The following NRG1 variants were observed in gnomAD, a reference collection of about 807,000 sequenced individuals.
NRG1 encodes neuregulin 1.
Under a neutral mutation model 63.8 loss-of-function variants are expected in NRG1, and 18 were observed. The ratio of observed to expected loss-of-function variants is 0.28; its 90% CI spans 0.19 to 0.42. NRG1 has a LOEUF of 0.42. Among genes scored for constraint, NRG1 ranks in the 10% least tolerant of loss-of-function variants. NRG1 has a pLI of 1.00. For missense variants in NRG1, 762 were observed against 814.7 expected, an observed-to-expected ratio of 0.94 and a Z score of 0.79; for synonymous variants, 302 against 301.3, an observed-to-expected ratio of 1.00 and a Z score of -0.02.
intron 1 of NRG1, among the ~76,000 whole-genome samples, chr8:32,515,115 A>G (rs1196561941): frequency 1.3e-5 from 2 of 151,928 alleles, no homozygotes. Flanking sequence ...AGAATGATTT[A>G]TTTTCCTTTG....
intron 1 of NRG1, among the ~76,000 whole-genome samples, chr8:32,050,737 A>G (rs923671299): frequency 6.6e-6 from 1 of 152,176 alleles, no homozygotes; most frequent in Non-Finnish European, 1.5e-5. Context: ...CACCTTTGAC[A>G]TGGCATTGTT....
intron 1 of NRG1, among the ~76,000 whole-genome samples, chr8:31,853,261 T>A (rs1827455955): frequency 6.6e-6 from 1 of 152,080 alleles, no homozygotes; most frequent in Non-Finnish European, 1.5e-5. Context: ...TGTTCTTCCA[T>A]TTGTTTGTAT....
At chr8:31,915,207 A>C (rs1382108938) in intron 1 of NRG1, among the ~76,000 whole-genome samples, 2 of 151,982 alleles carry the variant, frequency 1.3e-5, no homozygotes, top group African/African-American at 4.8e-5. Context: ...GGTTAATTTT[A>C]ATTAAAAACA....
At chr8:31,707,670 C>G (rs957847586) in intron 1 of NRG1, among the ~76,000 whole-genome samples, 3 of 152,036 alleles carry the variant, frequency 2.0e-5, no homozygotes, top group African/African-American at 7.2e-5. Context: ...TGCTTTAAAT[C>G]ATCATATAAA....
intron 1 of NRG1, among the ~76,000 whole-genome samples, chr8:31,808,824 A>G (rs1822554808): frequency 6.6e-6 from 1 of 152,174 alleles, no homozygotes; most frequent in African/African-American, 2.4e-5. Context: ...ACTTTGCAGC[A>G]GAGATTTTTT....
chr8:31,883,794 C>A (rs1333037522), intron 1 of NRG1, among the ~76,000 whole-genome samples: 2 of 152,016 alleles, frequency 1.3e-5, no homozygotes, highest in Non-Finnish European at 2.9e-5. Context: ...GTAAAAGAAT[C>A]CCAGCCACCA....
At chr8:32,224,601 A>T (rs1425933279) in intron 1 of NRG1, among the ~76,000 whole-genome samples, 1 of 152,206 alleles carries the variant, frequency 6.6e-6, no homozygotes, top group Non-Finnish European at 1.5e-5. Flanking sequence ...AAAGTAATCA[A>T]AGTCCACAAG....
chr8:31,826,673 C>G (rs183573083), intron 1 of NRG1, among the ~76,000 whole-genome samples: 1 of 152,262 alleles, frequency 6.6e-6, no homozygotes, highest in East Asian at 1.9e-4. Context: ...CAGTCACTGT[C>G]CCAGGACAGG....
chr8:31,972,204 A>C (rs1263069904), intron 1 of NRG1, among the ~76,000 whole-genome samples: 1 of 151,998 alleles, frequency 6.6e-6, no homozygotes, highest in East Asian at 1.9e-4. Context: ...CCCTCCTTCT[A>C]ACTCACAAGG....
intron 1 of NRG1, among the ~76,000 whole-genome samples, chr8:32,131,685 C>T (rs912205141): frequency 1.4e-4 from 21 of 151,918 alleles, no homozygotes; most frequent in African/African-American, 4.8e-4. Context: ...TATATTAATG[C>T]CTTTGTGGTT....
intron 1 of NRG1, among the ~76,000 whole-genome samples, chr8:32,342,748 A>G (rs562910664): frequency 6.6e-6 from 1 of 152,350 alleles, no homozygotes; most frequent in African/African-American, 2.4e-5. Flanking sequence ...ACTACATGAA[A>G]GTAGATTTGT....
chr8:31,651,058 C>T (rs779330018), intron 1 of NRG1, among the ~76,000 whole-genome samples: 2 of 152,168 alleles, frequency 1.3e-5, no homozygotes, highest in Non-Finnish European at 2.9e-5. Flanking sequence ...CTCTTCCTCT[C>T]CTCTTATTTA....
At chr8:32,340,570 A>G (rs1349073362) in intron 1 of NRG1, among the ~76,000 whole-genome samples, 1 of 152,256 alleles carries the variant, frequency 6.6e-6, no homozygotes, top group Non-Finnish European at 1.5e-5. Context: ...TACATACCAT[A>G]TAAGTTGGCT....
intron 1 of NRG1, among the ~76,000 whole-genome samples, chr8:32,484,148 A>G (rs572536946): frequency 1.3e-5 from 2 of 152,178 alleles, no homozygotes; most frequent in African/African-American, 4.8e-5. Flanking sequence ...AGTTTCAGGG[A>G]AAGTCATTTG....
intron 1 of NRG1, among the ~76,000 whole-genome samples, chr8:32,173,148 G>GA (rs1165641251): frequency 2.6e-5 from 4 of 152,186 alleles, no homozygotes; most frequent in African/African-American, 9.7e-5. Context: ...CCTCTCAGCA[G>GA]AAACTCTACA....
rs909328509 is a variant in NRG1 at position 31,640,575 on chromosome 8, G to A, written c.37+1144G>A. 19 of 1,611,856 alleles carry A rather than the reference G, an allele frequency of 1.2e-5. No individual in the cohort carries two copies. Among genetic ancestry groups the A allele is most frequent in the Non-Finnish European group, 1.4e-5 (17 of 1,179,480 alleles). On this transcript the variant is annotated intron_variant, in intron 1 of 10. Coordinates refer to the NRG1 transcript ENST00000519301. The surrounding 1 kb of genome is among the most constrained non-coding windows in gnomAD (Gnocchi z 6.3). ...GCCACCCCGCCTTCCCCTCCTGCGG[G>A]AGGCTCAAGGAGGACAGCAGGTACA...
intron 1 of NRG1, among the ~76,000 whole-genome samples, chr8:32,406,209 T>A (rs948445069): frequency 2.0e-5 from 3 of 152,192 alleles, no homozygotes; most frequent in African/African-American, 7.2e-5. Flanking sequence ...TAATAGTGTC[T>A]CTCATAAGAT....
intron 1 of NRG1, among the ~76,000 whole-genome samples, chr8:32,582,161 G>A (rs1369111086): frequency 6.6e-6 from 1 of 150,970 alleles, no homozygotes; most frequent in Non-Finnish European, 1.5e-5. Context: ...GCAGTGGCAT[G>A]GTTTCAGTTC....
chr8:32,622,707 T>G (rs1024910416), intron 5 of NRG1, among the ~76,000 whole-genome samples: 1 of 152,204 alleles, frequency 6.6e-6, no homozygotes, highest in East Asian at 1.9e-4. Context: ...GAGATTCAGT[T>G]TCTAGGTCTG....
Sources: allele counts gnomAD v4.1 joint callset (sites outside exome capture counted in the v4.1 genomes callset), GRCh38; gene constraint gnomAD v4.1.1; non-coding constraint Gnocchi (gnomAD v3.1); transcripts MANE v1.5; gene names NCBI Gene and HGNC (gene_info 2026-07-23, HGNC 2026-07-21).